SYNE1: variants seen among roughly 807,000 people sequenced by gnomAD.
The protein encoded by SYNE1 is spectrin repeat containing nuclear envelope protein 1, also known as nesprin-1.
A neutral mutation model predicts 1,111.0 loss-of-function variants in SYNE1; 616 were observed. The ratio of observed to expected loss-of-function variants is 0.55; its 90% CI spans 0.52 to 0.59. SYNE1 has a LOEUF of 0.59. Among genes scored for constraint, SYNE1 ranks in the 20% least tolerant of loss-of-function variants. The probability of loss-of-function intolerance (pLI) is 0.00; values close to 1 mark genes in which losing one functional copy is unlikely to be tolerated. For synonymous variants in SYNE1, 3,855 were observed against 3,825.8 expected, an observed-to-expected ratio of 1.01 and a Z score of -0.28; for missense variants, 10,006 against 10,417.0, an observed-to-expected ratio of 0.96 and a Z score of 1.72.
Position 152,236,930 on chromosome 6 carries a change from C to T in SYNE1, c.20086G>A (p.Glu6696Lys). ...YILETWSHLDEDQQELSRQLE... is the reference protein window; with the variant it reads ...YILETWSHLDKDQQELSRQLE... The stretch of plus-strand genomic sequence containing the variant: ...TGTCTGCTGAGCTCCTGCTGGTCCT[C>T]ATCCAGATGGGACCACGTCTAGAAA... Residue 6696 changes from glutamate (E) to lysine (K), a missense_variant, in exon 109 of 146, where the codon GAG becomes AAG. Glu to Lys is a moderately conservative substitution (Grantham distance 56). This residue lies in a region of SYNE1 where 2,182 missense variants were observed against 2,287.8 expected (regional missense o/e 0.95). Transcript: ENST00000367255. 6.2e-7 allele frequency: 1 copy of T among 1,614,098 alleles called. No individual in the cohort carries two copies. The highest frequency in any genetic ancestry group is 8.5e-7 in the Non-Finnish European group (1 of 1,180,004).
chr6:152,408,775 G>A (rs1440476096), intron 44 of SYNE1, among the ~76,000 whole-genome samples: 2 of 152,108 alleles, frequency 1.3e-5, no homozygotes, highest in African/African-American at 2.4e-5. Flanking sequence ...CCAACATGGA[G>A]AAACCCCGTC....
At chr6:152,584,739 A>G (rs955906228) in intron 3 of SYNE1, among the ~76,000 whole-genome samples, 15 of 152,210 alleles carry the variant, frequency 9.9e-5, no homozygotes, top group Non-Finnish European at 1.6e-4. Flanking sequence ...TAGCAAGTTA[A>G]CGTAATATTT....
intron 3 of SYNE1, among the ~76,000 whole-genome samples, chr6:152,604,068 T>C (rs774070143): frequency 9.9e-5 from 15 of 151,346 alleles, no homozygotes; most frequent in East Asian, 1.9e-4. Context: ...TGTTCATATA[T>C]GTATATATGT....
intron 100 of SYNE1, among the ~76,000 whole-genome samples, chr6:152,265,631 A>T (rs950609096): frequency 1.3e-5 from 2 of 152,194 alleles, no homozygotes; most frequent in Non-Finnish European, 1.5e-5. Context: ...ATAGTCTTAC[A>T]TTTAATCATT....
At chr6:152,521,073 G>T (rs1363972387) in intron 5 of SYNE1, among the ~76,000 whole-genome samples, 1 of 152,070 alleles carries the variant, frequency 6.6e-6, no homozygotes, top group African/African-American at 2.4e-5. Context: ...ATTTTATAGA[G>T]ATTCATTTCT....
chr6:152,635,906 G>A (rs997232666), intron 2 of SYNE1, among the ~76,000 whole-genome samples: 19 of 152,142 alleles, frequency 1.2e-4, no homozygotes, highest in African/African-American at 4.6e-4. Flanking sequence ...TGGGATCCCA[G>A]TCAGCACACC....
chr6:152,234,015 TA>T, intron 111 of SYNE1, 52 bp from the exon 112 acceptor site: 2 of 1,591,978 alleles, frequency 1.3e-6, no homozygotes, highest in Non-Finnish European at 1.7e-6. Flanking sequence ...GACCATTCAT[TA>T]AAAGGAAAGC....
At chr6:152,464,451 T>C (rs1244979271) in intron 18 of SYNE1, among the ~76,000 whole-genome samples, 1 of 152,180 alleles carries the variant, frequency 6.6e-6, no homozygotes, top group East Asian at 1.9e-4. Context: ...CCAAAATCTG[T>C]ATGGGTACAT....
At chr6:152,402,577 G>C (rs1045240042) in intron 46 of SYNE1, 1 of 152,162 alleles carries the variant, frequency 6.6e-6, no homozygotes. Flanking sequence ...GGATTCTTTG[G>C]GGGATAGAGA....
chr6:152,461,012 T>C (rs1029971950), intron 21 of SYNE1, among the ~76,000 whole-genome samples: 5 of 151,792 alleles, frequency 3.3e-5, no homozygotes, highest in African/African-American at 1.2e-4. Flanking sequence ...CGATGTTTCA[T>C]CATGTTGGTC....
intron 42 of SYNE1, 94 bp downstream of exon 42, chr6:152,413,258 A>T: frequency 7.8e-7 from 1 of 1,283,098 alleles, no homozygotes; most frequent in Non-Finnish European, 1.1e-6. Flanking sequence ...AAAGATATTT[A>T]ACTACTGATC....
At chr6:152,282,131 A>C (rs912044448) in intron 96 of SYNE1, 151 bp from the exon 97 acceptor site, 16 of 744,230 alleles carry the variant, frequency 2.1e-5, no homozygotes, top group Admixed American at 1.6e-4. Context: ...ACATCCCAGA[A>C]CAACAATCAG....
At chr6:152,621,036 T>C (rs2099674240) in intron 3 of SYNE1, among the ~76,000 whole-genome samples, 1 of 152,138 alleles carries the variant, frequency 6.6e-6, no homozygotes, top group Admixed American at 6.6e-5. Context: ...CAATAAAGCC[T>C]TTGCTGAGGA....
chr6:152,135,613 CATTT>C (rs2056886411), intron 141 of SYNE1, among the ~76,000 whole-genome samples: 1 of 152,204 alleles, frequency 6.6e-6, no homozygotes, highest in Admixed American at 6.5e-5. Context: ...TTCATTCATT[CATTT>C]ATTCACTCAT....
At chr6:152,351,043 T>C (rs967433778) in intron 70 of SYNE1, among the ~76,000 whole-genome samples, 32 of 152,344 alleles carry the variant, frequency 2.1e-4, no homozygotes, top group African/African-American at 7.2e-4. Flanking sequence ...ATATAGTTTA[T>C]ATTTCTGGCT....
Position 152,376,839 on chromosome 6 carries a change from C to T in SYNE1, c.9083G>A (p.Arg3028Gln), listed in dbSNP as rs1385273320. 1.2e-6 allele frequency: 2 copies of T among 1,614,098 alleles called. No homozygotes were observed. Among genetic ancestry groups the T allele is most frequent in the African/African-American group, 1.3e-5 (1 of 75,038 alleles). The change falls in exon 57 of 146, where the codon CGA becomes CAA. Residue 3028 changes from arginine to glutamine, a missense_variant. Coordinates refer to ENST00000367255, the MANE Select transcript of SYNE1 (RefSeq NM_182961.4). ...DLKSQLNELC[R>Q]FSRDLSTYSG... ...GTAGGTACTCAGGTCTCTGGAAAAT[C>T]GACAAAGTTCATTCAGCTGAGACTT...
intron 81 of SYNE1, 30 bp from the exon 82 acceptor site, chr6:152,323,767 C>T (rs2095957897): frequency 6.2e-7 from 1 of 1,612,680 alleles, no homozygotes; most frequent in Non-Finnish European, 8.5e-7. Context: ...CTATGAAGTT[C>T]AATAATAAAT....
At chr6:152,166,961 T>C (rs141427995) in intron 130 of SYNE1, among the ~76,000 whole-genome samples, 238 of 152,330 alleles carry the variant, frequency 1.6e-3, no homozygotes, top group African/African-American at 5.5e-3. Context: ...AAGATAATTT[T>C]TGGGTGAAGC....
intron 11 of SYNE1, among the ~76,000 whole-genome samples, chr6:152,496,272 A>G (rs1200821894): frequency 1.3e-5 from 2 of 152,170 alleles, no homozygotes; most frequent in Non-Finnish European, 2.9e-5. Context: ...AGAACTCTGT[A>G]TATTTTTAAA....
Sources: allele counts gnomAD v4.1 joint callset (sites outside exome capture counted in the v4.1 genomes callset), GRCh38; gene constraint gnomAD v4.1.1; regional missense constraint gnomAD v4.1.1; transcripts MANE v1.5; gene names NCBI Gene and HGNC (gene_info 2026-07-23, HGNC 2026-07-21).